The following TENM2 variants were observed in gnomAD, a reference collection of about 807,000 sequenced individuals.
The protein encoded by TENM2 is teneurin-2.
A neutral mutation model predicts 245.2 loss-of-function variants in TENM2; 52 were observed. That is an observed-to-expected ratio of 0.21 (90% CI 0.17 to 0.27). The LOEUF is 0.27. TENM2 is among the 10% of genes least tolerant of loss of function. TENM2 has a pLI of 1.00. For synonymous variants in TENM2, 1,363 were observed against 1,438.9 expected (o/e 0.95, Z 1.19); for missense variants, 3,046 against 3,666.8 (o/e 0.83, Z 4.37).
chr5:167,239,988 G>T, the TENM2 span, among the ~76,000 whole-genome samples: 1 of 152,190 alleles, frequency 6.6e-6, no homozygotes, highest in Non-Finnish European at 1.5e-5. Context: ...TGGTCAGGCT[G>T]GTCTCCAACT....
chr5:167,600,937 AATTATTT>A (rs1386054890), intron 2 of TENM2, among the ~76,000 whole-genome samples: 1 of 152,206 alleles, frequency 6.6e-6, no homozygotes, highest in African/African-American at 2.4e-5. Context: ...CTTTTGTTCA[AATTATTT>A]GGCATCGCCA....
the TENM2 span, among the ~76,000 whole-genome samples, chr5:167,255,068 C>CTTTTT: frequency 7.1e-6 from 1 of 140,292 alleles, no homozygotes; most frequent in African/African-American, 2.7e-5. Flanking sequence ...TATTTCTTTT[C>CTTTTT]TTTTCTTTTT....
chr5:167,397,574 A>G (rs946095010), intron 2 of TENM2, among the ~76,000 whole-genome samples: 1 of 152,166 alleles, frequency 6.6e-6, no homozygotes, highest in Non-Finnish European at 1.5e-5. Flanking sequence ...CTTATTTTGA[A>G]GAGATTAATA....
At chr5:167,376,340 T>A (rs1760749080) in intron 2 of TENM2, among the ~76,000 whole-genome samples, 1 of 152,192 alleles carries the variant, frequency 6.6e-6, no homozygotes, top group African/African-American at 2.4e-5. Flanking sequence ...AGATGGCATG[T>A]TTGCTAAAAG....
At chr5:167,568,043 T>C (rs971313429) in intron 2 of TENM2, among the ~76,000 whole-genome samples, 9 of 151,684 alleles carry the variant, frequency 5.9e-5, no homozygotes, top group African/African-American at 2.2e-4. Flanking sequence ...TGAAGTAAGA[T>C]ATAAATCAAA....
At chr5:167,277,697 A>AAG in the TENM2 span, among the ~76,000 whole-genome samples, 2 of 152,156 alleles carry the variant, frequency 1.3e-5, no homozygotes, top group Admixed American at 1.3e-4. Context: ...ATTAATTTTG[A>AAG]AGACCTGGGT....
intron 1 of TENM2, among the ~76,000 whole-genome samples, chr5:167,329,551 CAAAA>C (rs34165505): frequency 0.019 from 406 of 21,838 alleles, 1 homozygote; most frequent in South Asian, 0.036. Flanking sequence ...GACTCAGTCT[CAAAA>C]AAAAAAAAAA....
chr5:167,591,880 A>C (rs962171910), intron 2 of TENM2, among the ~76,000 whole-genome samples: 2 of 152,236 alleles, frequency 1.3e-5, no homozygotes, highest in African/African-American at 4.8e-5. Context: ...TGGTGCAATA[A>C]GAAGTAACAA....
intron 8 of TENM2, among the ~76,000 whole-genome samples, chr5:168,092,057 T>A (rs775650092): frequency 5.3e-5 from 8 of 152,214 alleles, no homozygotes; most frequent in African/African-American, 2.4e-5. Context: ...ATCGCTCTTT[T>A]TCTATTGATT....
In TENM2 at chr5:168,244,422, C is replaced by T; in HGVS notation, c.5523C>T (p.Val1841=). The T allele has an allele frequency of 6.5e-7, 1 of 1,535,824 alleles. No individual in the cohort carries two copies. The highest frequency in any genetic ancestry group is 1.4e-5 in the African/African-American group (1 of 73,226). ...CAAGGCCTGTTGTGTTTTCCTAGGT[C>T]CATGGAAGAAATCTCTTGTCCATTG... Residue 1841 remains valine, a splice_region_variant and synonymous_variant, in exon 26 of 29, where the codon GTC becomes GTT. Coordinates refer to ENST00000518659, the Ensembl canonical transcript of TENM2. This position sits in a 1 kb window ranked among gnomAD's most constrained non-coding sequence, Gnocchi z 4.9.
chr5:167,232,746 AG>A, the TENM2 span, among the ~76,000 whole-genome samples: 1 of 142,922 alleles, frequency 7.0e-6, no homozygotes, highest in Non-Finnish European at 1.5e-5. Context: ...TAATACAAAC[AG>A]AAAAAAATAA....
intron 1 of TENM2, among the ~76,000 whole-genome samples, chr5:167,324,638 A>G (rs1295375040): frequency 6.6e-6 from 1 of 152,084 alleles, no homozygotes; most frequent in East Asian, 1.9e-4. Flanking sequence ...ATTAACAGTC[A>G]TTGGGACCAC....
intron 2 of TENM2, among the ~76,000 whole-genome samples, chr5:167,581,645 T>C (rs1775101825): frequency 6.6e-6 from 1 of 152,196 alleles, no homozygotes; most frequent in Non-Finnish European, 1.5e-5. Flanking sequence ...TATATCTTTA[T>C]CTATATCTAT....
chr5:167,881,677 G>A (rs1049333645), intron 3 of TENM2, among the ~76,000 whole-genome samples: 5 of 152,082 alleles, frequency 3.3e-5, no homozygotes, highest in African/African-American at 1.2e-4. Context: ...CTCCTTCCTG[G>A]CATCCAGGCA....
intron 3 of TENM2, among the ~76,000 whole-genome samples, chr5:167,890,723 C>A (rs1466984443): frequency 6.6e-6 from 1 of 152,110 alleles, no homozygotes; most frequent in East Asian, 1.9e-4. Flanking sequence ...ATGAGATTTG[C>A]ATGGCCTTTG....
At chr5:167,298,975 T>A (rs553480033) in intron 1 of TENM2, among the ~76,000 whole-genome samples, 1 of 152,156 alleles carries the variant, frequency 6.6e-6, no homozygotes, top group Non-Finnish European at 1.5e-5. Context: ...GGACTGAGAC[T>A]GGGGCTTAAT....
intron 12 of TENM2, among the ~76,000 whole-genome samples, chr5:168,157,796 G>A (rs1433274614): frequency 6.6e-6 from 1 of 152,180 alleles, no homozygotes; most frequent in Non-Finnish European, 1.5e-5. Context: ...GAGTGTACAG[G>A]TGGGGAATAG....
In TENM2 at chr5:168,110,128, T is replaced by C. The variant is rs978684145; in HGVS notation, c.1814-8164T>C. 4.0e-5 allele frequency among the ~76,000 whole-genome samples: 6 copies of C among 151,032 alleles called. No individual in the cohort carries two copies. In the Admixed American group the frequency reaches 4.0e-4, roughly 10 times the overall value. ...CAGAATGTCTAACCCTAGGGAAACT[T>C]GTACATGTGATGCACACAGAGCTAG... is the stretch of plus-strand genomic sequence containing the variant. On this transcript the variant is annotated intron_variant, in intron 9 of 28. Transcript: ENST00000518659.
chr5:167,314,220 C>T (rs1045023601), intron 1 of TENM2, among the ~76,000 whole-genome samples: 1 of 151,916 alleles, frequency 6.6e-6, no homozygotes, highest in Non-Finnish European at 1.5e-5. Context: ...AATGTTTGTT[C>T]TTCTATTATG....
Sources: gnomAD v4.1 joint callset for allele counts (sites outside exome capture counted in the v4.1 genomes callset) on GRCh38, gnomAD v4.1.1 for gene constraint, Gnocchi (gnomAD v3.1) non-coding constraint, MANE v1.5 for transcripts, NCBI Gene and HGNC (gene_info 2026-07-23, HGNC 2026-07-21) for gene names.